The following ORC5 variants were observed in gnomAD, a reference collection of about 807,000 sequenced individuals.
The protein encoded by ORC5 is origin recognition complex subunit 5, also known as protein phosphatase 1, regulatory subunit 117.
A neutral mutation model predicts 58.8 loss-of-function variants in ORC5; 39 were observed. That is an observed-to-expected ratio of 0.66 (90% CI 0.51 to 0.87). The LOEUF is 0.87. ORC5 is among the 40% of genes least tolerant of loss of function. ORC5 has a pLI of 0.00. For synonymous variants in ORC5, 218 were observed against 177.6 expected, an observed-to-expected ratio of 1.23 and a Z score of -1.81; for missense variants, 493 against 506.3, an observed-to-expected ratio of 0.97 and a Z score of 0.25.
At chr7:104,145,791 T>A (rs1798744458) in intron 12 of ORC5, among the ~76,000 whole-genome samples, 1 of 152,084 alleles carries the variant, frequency 6.6e-6, no homozygotes, top group African/African-American at 2.4e-5. Flanking sequence ...AGTCTTAGAA[T>A]TCCCCACCCA....
chr7:104,161,972 AGCT>A (rs1799033026), intron 11 of ORC5, among the ~76,000 whole-genome samples: 1 of 152,244 alleles, frequency 6.6e-6, no homozygotes, highest in East Asian at 1.9e-4. Context: ...AGTAAGTCGT[AGCT>A]TAACTTAGAA....
intron 13 of ORC5, 53 bp from the exon 14 acceptor site, chr7:104,126,946 C>T (rs777518705): frequency 1.3e-4 from 168 of 1,306,500 alleles, no homozygotes; most frequent in Non-Finnish European, 1.7e-4. Context: ...GATTGCTCAG[C>T]TTTGTATGAT....
chr7:104,204,993 C>T (rs990946959), intron 1 of ORC5, among the ~76,000 whole-genome samples: 1 of 147,150 alleles, frequency 6.8e-6, no homozygotes, highest in Non-Finnish European at 1.5e-5. Context: ...CTGAAGAGAA[C>T]AAATAACAGT....
At chr7:104,144,788 A>G (rs1296915852) in intron 12 of ORC5, among the ~76,000 whole-genome samples, 1 of 152,200 alleles carries the variant, frequency 6.6e-6, no homozygotes, top group African/African-American at 2.4e-5. Context: ...AGGATCATAA[A>G]AAATACTTAT....
chr7:104,200,029 C>T (rs1799900445), intron 3 of ORC5, among the ~76,000 whole-genome samples: 1 of 152,152 alleles, frequency 6.6e-6, no homozygotes, highest in African/African-American at 2.4e-5. Context: ...AAGCAGGTGC[C>T]TTGCTTCCCC....
intron 1 of ORC5, among the ~76,000 whole-genome samples, chr7:104,205,628 A>T (rs1800060551): frequency 1.3e-5 from 2 of 152,208 alleles, no homozygotes; most frequent in Non-Finnish European, 2.9e-5. Context: ...AACTGCTAAA[A>T]ATAGACTAAA....
At chr7:104,172,872 A>G (rs1799240102) in intron 8 of ORC5, among the ~76,000 whole-genome samples, 1 of 152,086 alleles carries the variant, frequency 6.6e-6, no homozygotes, top group Non-Finnish European at 1.5e-5. Context: ...ACAAATGTCG[A>G]TTTATAACGG....
chr7:104,197,275 CT>C (rs1338089137), intron 4 of ORC5, among the ~76,000 whole-genome samples: 1 of 152,142 alleles, frequency 6.6e-6, no homozygotes, highest in Non-Finnish European at 1.5e-5. Context: ...ACTTACTGTA[CT>C]TTGTGAAGCC....
At chr7:104,128,211 C>T (rs2115716666) in intron 13 of ORC5, among the ~76,000 whole-genome samples, 1 of 152,280 alleles carries the variant, frequency 6.6e-6, no homozygotes, top group East Asian at 1.9e-4. Context: ...CAACCTCCAC[C>T]TCCCCGGTTC....
intron 10 of ORC5, chr7:104,165,750 T>G (rs139471304): frequency 6.3e-6 from 1 of 159,192 alleles, no homozygotes; most frequent in African/African-American, 2.4e-5. Flanking sequence ...GGGAAAACAA[T>G]AGATGTGGTC....
rs1398703976 is a variant in ORC5, at chr7:104,207,941, C to T, written c.-37G>A. 15 of 1,584,408 alleles carry T rather than the reference C, an allele frequency of 9.5e-6. No individual in the cohort carries two copies. In the South Asian group the frequency reaches 1.5e-4, roughly 16 times the overall value. ...CCACCGCAGAGGCCAGTGCAGCCAG[C>T]CCACAGGACCCTTGCACAAGACGGA... On this transcript the variant is annotated 5_prime_UTR_variant, in exon 1 of 14. Coordinates refer to ENST00000297431, the MANE Select transcript of ORC5 (RefSeq NM_002553.4).
In ORC5 at chr7:104,168,500, C is replaced by T. The variant is rs890195890; in HGVS notation, c.850G>A (p.Asp284Asn). 1 of 1,579,152 alleles carries T rather than the reference C, an allele frequency of 6.3e-7. No individual in the cohort carries two copies. The highest frequency in any genetic ancestry group is 8.6e-7 in the Non-Finnish European group (1 of 1,166,790). ...SSSQWEKLQK[D>N]DTDPGQLKGL... is the part of the protein sequence containing the mutation. ...TTCAGTTGCCCCGGATCTGTGTCAT[C>T]TTTCTGTAGCTTTTCCCACTGGGAA... The change falls in exon 9 of 14, where the codon GAT (aspartate) becomes AAT (asparagine). Residue 284 changes from aspartate (D) to asparagine (N), a missense_variant. Physicochemically the swap from Asp to Asn is conservative, Grantham distance 23. Around this residue, in one of 3 missense-constraint regions of ORC5, gnomAD observed 412 missense variants for 403.7 expected, o/e 1.02. Transcript: ENST00000297431.
In ORC5 at chr7:104,200,861, T is replaced by C. The variant is rs754380648; in HGVS notation, c.263A>G (p.Asp88Gly). Residue 88 changes from aspartate to glycine, a missense_variant, in exon 3 of 14, where the codon GAT becomes GGT. By Grantham distance (94) the Asp-to-Gly change is moderately conservative. Coordinates refer to ENST00000297431, the MANE Select transcript of ORC5 (RefSeq NM_002553.4). The part of the protein sequence containing the change: ...NKLNHLSSSE[D>G]GCSTEITCET... Reference sequence around the variant, plus strand: ...ACAGGTTATTTCAGTAGAACATCCATCCTCTGAAGAACTAAGATGATTCAA... The same window carrying C: ...ACAGGTTATTTCAGTAGAACATCCACCCTCTGAAGAACTAAGATGATTCAA... 6.2e-7 allele frequency: 1 copy of C among 1,612,700 alleles called. No homozygotes were observed. Among genetic ancestry groups the C allele is most frequent in the African/African-American group, 1.3e-5 (1 of 74,902 alleles).
chr7:104,154,736 G>A (rs1482432463), intron 12 of ORC5, among the ~76,000 whole-genome samples: 2 of 151,762 alleles, frequency 1.3e-5, no homozygotes, highest in African/African-American at 4.8e-5. Context: ...ATGTGAATTA[G>A]ATTAAAATAT....
At chr7:104,165,469 C>A in intron 10 of ORC5, 187 bp from the exon 11 acceptor site, 1 of 424,548 alleles carries the variant, frequency 2.4e-6, no homozygotes, top group Non-Finnish European at 4.2e-6. Flanking sequence ...TTCGTTTAGA[C>A]TTGGATTGGA....
At chr7:104,196,375 G>A (rs143159183) in intron 4 of ORC5, among the ~76,000 whole-genome samples, 1,741 of 152,278 alleles carry the variant, frequency 0.011, 14 homozygotes, top group Non-Finnish European at 0.018. Flanking sequence ...GAAATGAGTA[G>A]ACATCTACTC....
At chr7:104,131,752 TG>T (rs1390854421) in intron 13 of ORC5, among the ~76,000 whole-genome samples, 1 of 151,406 alleles carries the variant, frequency 6.6e-6, no homozygotes, top group Non-Finnish European at 1.5e-5. Context: ...CTCGGGAGGC[TG>T]AAGCAGGAGA....
Position 104,161,118 on chromosome 7 carries a change from C to G in ORC5, c.1103G>C (p.Ser368Thr), listed in dbSNP as rs764530474. Residue 368 changes from serine to threonine, a missense_variant, in exon 12 of 14, where the codon AGT becomes ACT. By Grantham distance (58) the Ser-to-Thr change is moderately conservative. Around this residue, in one of 3 missense-constraint regions of ORC5, gnomAD observed 77 missense variants for 86.1 expected, o/e 0.89. Transcript: ENST00000297431. ...PLDRLLAILYSIVDSRVAPTA... is the reference protein window; with the variant it reads ...PLDRLLAILYTIVDSRVAPTA... Reference sequence around the variant, plus strand: ...TGGAGCAACTCTGCTGTCCACGATACTATATAATATTGCTAATAATCTGTC... The same window carrying G: ...TGGAGCAACTCTGCTGTCCACGATAGTATATAATATTGCTAATAATCTGTC... 1 of 1,610,324 alleles carries G rather than the reference C, an allele frequency of 6.2e-7. No individual in the cohort carries two copies.
chr7:104,153,876 GATTTCTAGTGTT>G (rs1246889126), intron 12 of ORC5, among the ~76,000 whole-genome samples: 6 of 151,988 alleles, frequency 3.9e-5, no homozygotes, highest in Non-Finnish European at 7.4e-5. Context: ...TTATCTACTA[GATTTCTAGTGTT>G]ATCTGACTAG....
Sources: gnomAD v4.1 joint callset for allele counts (sites outside exome capture counted in the v4.1 genomes callset) on GRCh38, gnomAD v4.1.1 for gene constraint, gnomAD v4.1.1 regional missense constraint, MANE v1.5 for transcripts, NCBI Gene and HGNC (gene_info 2026-07-23, HGNC 2026-07-21) for gene names.